Variants in STK3 observed in about 807,000 individuals in gnomAD.
STK3 encodes serine/threonine kinase 3.
In STK3, 41 loss-of-function variants were observed where a neutral mutation model predicts 58.0. The observed-to-expected ratio is 0.71, with a 90% confidence interval of 0.55 to 0.92. The LOEUF (loss-of-function observed/expected upper bound fraction) is 0.92. Ranked by LOEUF, STK3 falls within the 40% of genes least tolerant of loss-of-function variation. The pLI, the probability that STK3 is intolerant of heterozygous loss-of-function variation, is 0.00. For synonymous variants in STK3, 170 were observed against 191.0 expected, an observed-to-expected ratio of 0.89 and a Z score of 0.91; for missense variants, 479 against 602.7, an observed-to-expected ratio of 0.79 and a Z score of 2.15.
chr8:98,612,006 C>T (rs964322701), intron 6 of STK3, among the ~76,000 whole-genome samples: 80 of 150,268 alleles, frequency 5.3e-4, no homozygotes, highest in African/African-American at 1.7e-3. Context: ...AAACTGTTCC[C>T]CTTGCTAAAT....
intron 2 of STK3, among the ~76,000 whole-genome samples, chr8:98,773,903 T>C (rs955985742): frequency 6.6e-6 from 1 of 152,032 alleles, no homozygotes; most frequent in African/African-American, 2.4e-5. Flanking sequence ...TTCAAGCGAT[T>C]CTCCTGCCTC....
chr8:98,915,649 A>ATGTG (rs376756149), intron 1 of STK3, among the ~76,000 whole-genome samples: 1 of 150,402 alleles, frequency 6.6e-6, no homozygotes, highest in Non-Finnish European at 1.5e-5. Context: ...ATTGATTGAT[A>ATGTG]TGTGTGTGTG....
At chr8:98,497,014 A>T (rs1823188606) in intron 10 of STK3, among the ~76,000 whole-genome samples, 1 of 152,302 alleles carries the variant, frequency 6.6e-6, no homozygotes, top group East Asian at 1.9e-4. Context: ...GAAAAAGAAC[A>T]AAGTTGGTGG....
chr8:98,359,761 G>A, the STK3 span, among the ~76,000 whole-genome samples: 1 of 152,206 alleles, frequency 6.6e-6, no homozygotes, highest in East Asian at 1.9e-4. Flanking sequence ...TTTGATATAA[G>A]TCATGAGGCC....
At chr8:98,672,015 A>G (rs1214383539) in intron 6 of STK3, among the ~76,000 whole-genome samples, 1 of 152,168 alleles carries the variant, frequency 6.6e-6, no homozygotes, top group African/African-American at 2.4e-5. Flanking sequence ...CACCATGATT[A>G]TAAGTTTCCT....
chr8:98,449,590 G>A (rs1204517449), intron 1 of STK3, among the ~76,000 whole-genome samples: 2 of 152,070 alleles, frequency 1.3e-5, no homozygotes, highest in African/African-American at 2.4e-5. Context: ...CACAAATGGG[G>A]CAACTTATGC....
chr8:98,490,158 C>T (rs185880044), intron 10 of STK3, among the ~76,000 whole-genome samples: 1 of 152,184 alleles, frequency 6.6e-6, no homozygotes, highest in Non-Finnish European at 1.5e-5. Context: ...TATATTTGTG[C>T]TATTATAAGT....
At chr8:98,890,913 G>A (rs192169223) in intron 1 of STK3, among the ~76,000 whole-genome samples, 39 of 152,248 alleles carry the variant, frequency 2.6e-4, no homozygotes, top group African/African-American at 8.9e-4. Context: ...ATTGAAGAAC[G>A]ATATCATTTT....
At chr8:98,866,328 C>G (rs902188797) in intron 3 of STK3, among the ~76,000 whole-genome samples, 2 of 152,182 alleles carry the variant, frequency 1.3e-5, no homozygotes, top group African/African-American at 4.8e-5. Flanking sequence ...GTAATTGGAT[C>G]TCCTCTAGAA....
At chr8:98,398,590 T>C (rs1817915355), downstream of STK3, among the ~76,000 whole-genome samples, 2 of 152,302 alleles carry the variant, frequency 1.3e-5, no homozygotes, top group Admixed American at 1.3e-4. Flanking sequence ...CTCTTAGTCC[T>C]AGGGGACTTG....
At chr8:98,674,278 A>G (rs1823039965) in intron 6 of STK3, among the ~76,000 whole-genome samples, 1 of 152,176 alleles carries the variant, frequency 6.6e-6, no homozygotes, top group Non-Finnish European at 1.5e-5. Context: ...CAAATTATAA[A>G]TATTATATTG....
chr8:98,562,427 A>G lies in STK3; in HGVS notation c.949-14266T>C, dbSNP rs376077849. Among the ~76,000 whole-genome samples, 5 of 152,154 alleles carry G rather than the reference A, an allele frequency of 3.3e-5. No homozygotes were observed. In the East Asian group the frequency reaches 7.7e-4, roughly 23 times the overall value. ...AAAAAAGCCAGTCTGAAAAGGCTAC[A>G]TAATATATGATTCCAATTATATGAT... On this transcript the variant is annotated intron_variant, in intron 8 of 10. Transcript: ENST00000419617.
At chr8:98,361,970 G>T in the STK3 span, among the ~76,000 whole-genome samples, 1 of 152,188 alleles carries the variant, frequency 6.6e-6, no homozygotes, top group Non-Finnish European at 1.5e-5. Context: ...CTGCCAGCCT[G>T]AATCCTCTGT....
chr8:98,572,991 T>C (rs1391416744), intron 8 of STK3, among the ~76,000 whole-genome samples: 1 of 152,162 alleles, frequency 6.6e-6, no homozygotes, highest in Non-Finnish European at 1.5e-5. Flanking sequence ...TCCCCTCACC[T>C]TGAATATGGA....
At chr8:98,676,888 G>A (rs1194874830) in intron 6 of STK3, among the ~76,000 whole-genome samples, 1 of 152,050 alleles carries the variant, frequency 6.6e-6, no homozygotes, top group Non-Finnish European at 1.5e-5. Context: ...TTGCTCAGAG[G>A]CTTCTAAATA....
In STK3 at chr8:98,614,460, G is replaced by T. The variant is rs539954755; in HGVS notation, c.685-18291C>A. Among the ~76,000 whole-genome samples, 4 of 152,350 alleles carry T rather than the reference G, an allele frequency of 2.6e-5. No individual in the cohort carries two copies. In the East Asian group the frequency reaches 7.7e-4, roughly 29 times the overall value. On this transcript the variant is annotated intron_variant, in intron 6 of 10. Transcript: ENST00000419617. ...ATGTCTCGATCGGGGGAGGAGCCAA[G>T]ATGGCCGAATAGGAACAGCTCCGGT... is the stretch of plus-strand genomic sequence containing the variant.
chr8:98,832,441 G>A (rs1835572920), intron 3 of STK3, among the ~76,000 whole-genome samples: 1 of 152,048 alleles, frequency 6.6e-6, no homozygotes, highest in Non-Finnish European at 1.5e-5. Flanking sequence ...GGCATCCTGT[G>A]TGCATCCTCT....
At chr8:98,872,192 C>G (rs1837403264) in intron 3 of STK3, among the ~76,000 whole-genome samples, 1 of 152,140 alleles carries the variant, frequency 6.6e-6, no homozygotes, top group Non-Finnish European at 1.5e-5. Context: ...AGGGGTGAAG[C>G]CAAGTTGATC....
chr8:98,870,137 T>G (rs573418457), intron 3 of STK3, among the ~76,000 whole-genome samples: 2 of 152,316 alleles, frequency 1.3e-5, no homozygotes, highest in East Asian at 3.9e-4. Flanking sequence ...GAATGATGGT[T>G]TCTAGCTTCA....
Sources: allele counts gnomAD v4.1 joint callset (sites outside exome capture counted in the v4.1 genomes callset), GRCh38; gene constraint gnomAD v4.1.1; transcripts MANE v1.5; gene names NCBI Gene and HGNC (gene_info 2026-07-23, HGNC 2026-07-21).